COL19A1: variants seen among roughly 807,000 people sequenced by gnomAD.
COL19A1 encodes collagen type XIX alpha 1 chain, also known as collagen alpha-1(XIX) chain.
In COL19A1, 159 loss-of-function variants were observed where a neutral mutation model predicts 190.2. The observed-to-expected ratio is 0.84, with a 90% CI of 0.73 to 0.95. The LOEUF is 0.95. Among genes scored for constraint, COL19A1 ranks in the 40% least tolerant of loss-of-function variants. The pLI is 0.00. For synonymous variants in COL19A1, 509 were observed against 458.9 expected, an observed-to-expected ratio of 1.11 and a Z score of -1.39; for missense variants, 1,418 against 1,431.9, an observed-to-expected ratio of 0.99 and a Z score of 0.16.
chr6:70,204,512 T>C (rs1212649531), intron 49 of COL19A1, among the ~76,000 whole-genome samples: 1 of 152,186 alleles, frequency 6.6e-6, no homozygotes, highest in Non-Finnish European at 1.5e-5. Context: ...ATTGTTACAT[T>C]TGACAGGAGA....
At position 69,991,519 on chromosome 6, in the gene COL19A1, T is replaced by A. The variant is rs187004599; in HGVS notation, c.1026+28649T>A. Among the ~76,000 whole-genome samples, 3 of 152,138 alleles carry A rather than the reference T, an allele frequency of 2.0e-5. No homozygotes were observed. The East Asian group carries it at 5.8e-4, about 29-fold the overall frequency. ...ATTCTTACCAGCAGTGTATAAACAT[T>A]TCCTTTTATCTGCAACCTTGCCAAC... On this transcript the variant is annotated intron_variant, in intron 11 of 50. Transcript: ENST00000620364.
chr6:69,883,346 C>A (rs886734919), intron 2 of COL19A1, among the ~76,000 whole-genome samples: 9 of 152,198 alleles, frequency 5.9e-5, no homozygotes, highest in Admixed American at 3.3e-4. Flanking sequence ...AAATCCTGTC[C>A]TATGAGACCT....
intron 2 of COL19A1, 47 bp from the exon 3 acceptor site, chr6:69,898,901 A>G (rs1285871950): frequency 8.7e-6 from 10 of 1,144,280 alleles, no homozygotes; most frequent in Middle Eastern, 2.0e-4. Context: ...TGTAATTAAA[A>G]TTCATACATA....
rs558482830 is a variant in COL19A1 at position 69,876,442 on chromosome 6, A to G, written c.-32-3094A>G. On this transcript the variant is annotated intron_variant, in intron 1 of 50. Transcript: ENST00000620364. ...TCAACCTCAAGCTTAAGAGACAGGTACAACTAAATTTTTCCAATTATTGTT... is the reference window on the plus strand; with the variant it reads ...TCAACCTCAAGCTTAAGAGACAGGTGCAACTAAATTTTTCCAATTATTGTT... Among the ~76,000 whole-genome samples the G allele has an allele frequency of 5.9e-5, 9 of 152,346 alleles. No individual in the cohort carries two copies. In the East Asian group the frequency reaches 1.7e-3, roughly 29 times the overall value.
intron 20 of COL19A1, 105 bp downstream of exon 20, chr6:70,141,094 A>G (rs1786222451): frequency 1.0e-6 from 1 of 989,920 alleles, no homozygotes; most frequent in African/African-American, 1.7e-5. Context: ...TTGATTAAAT[A>G]AGGTCCATGA....
Position 69,898,999 on chromosome 6 carries a change from A to G in COL19A1, c.143A>G (p.Asn48Ser), listed in dbSNP as rs1213700997. Reference protein sequence around the residue: ...RIEGHQLTYDNINKLEVSGFD... With the variant: ...RIEGHQLTYDSINKLEVSGFD... ...GAGGGACATCAGCTGACATATGACA[A>G]CATAAACAAACTTGAAGTTTCAGGT... The change falls in exon 3 of 51, where the codon AAC becomes AGC. Residue 48 changes from asparagine (N) to serine (S), a missense_variant. Physicochemically the swap from Asn to Ser is conservative, Grantham distance 46. Transcript: ENST00000620364. The G allele has an allele frequency of 6.2e-7, 1 of 1,611,696 alleles. No homozygotes were observed. The highest frequency in any genetic ancestry group is 1.7e-5 in the Admixed American group (1 of 59,968).
intron 14 of COL19A1, among the ~76,000 whole-genome samples, chr6:70,047,965 G>A (rs1779998360): frequency 6.6e-6 from 1 of 152,132 alleles, no homozygotes; most frequent in Non-Finnish European, 1.5e-5. Flanking sequence ...GAAAATGGCT[G>A]TGTTGCTCTG....
intron 9 of COL19A1, among the ~76,000 whole-genome samples, chr6:69,947,268 G>A (rs1028812731): frequency 1.3e-5 from 2 of 151,816 alleles, no homozygotes; most frequent in African/African-American, 2.4e-5. Context: ...ATATATTTCA[G>A]TGTATCAATA....
intron 15 of COL19A1, among the ~76,000 whole-genome samples, chr6:70,089,903 T>G (rs1782799260): frequency 6.6e-6 from 1 of 152,146 alleles, no homozygotes; most frequent in Admixed American, 6.6e-5. Context: ...TCAAAAACAA[T>G]GGGCTGGGTA....
chr6:69,930,524 A>G (rs766030512), intron 6 of COL19A1, among the ~76,000 whole-genome samples: 1 of 152,178 alleles, frequency 6.6e-6, no homozygotes, highest in African/African-American at 2.4e-5. Context: ...ACCCAAGGAT[A>G]GAATTGATCC....
intron 15 of COL19A1, among the ~76,000 whole-genome samples, chr6:70,090,113 G>T (rs1249909772): frequency 6.6e-6 from 1 of 151,922 alleles, no homozygotes. Context: ...CGAGGTTGAG[G>T]CTGCTGTGAG....
chr6:69,916,944 T>C (rs139991912), intron 4 of COL19A1, among the ~76,000 whole-genome samples: 50 of 152,284 alleles, frequency 3.3e-4, no homozygotes, highest in African/African-American at 1.1e-3. Context: ...AGAGTAAAGG[T>C]GAGGTAGTTA....
intron 31 of COL19A1, among the ~76,000 whole-genome samples, chr6:70,153,614 T>C (rs1168650346): frequency 1.3e-5 from 2 of 152,218 alleles, no homozygotes; most frequent in African/African-American, 4.8e-5. Flanking sequence ...AAACAGTCTA[T>C]TGAATAATCT....
intron 16 of COL19A1, among the ~76,000 whole-genome samples, chr6:70,104,951 A>G (rs1302803613): frequency 6.6e-6 from 1 of 152,084 alleles, no homozygotes; most frequent in African/African-American, 2.4e-5. Context: ...AAAACATGTG[A>G]CTGTATGATA....
chr6:69,892,715 ACATT>A (rs1223888717), intron 2 of COL19A1, among the ~76,000 whole-genome samples: 1 of 152,204 alleles, frequency 6.6e-6, no homozygotes, highest in African/African-American at 2.4e-5. Flanking sequence ...TTAGAAAGTG[ACATT>A]CTTTACTGAC....
chr6:69,971,490 G>A (rs17766479), intron 11 of COL19A1, among the ~76,000 whole-genome samples: 13,022 of 152,196 alleles, frequency 0.086, 661 homozygotes, highest in East Asian at 0.2. Context: ...GACAGTAGCT[G>A]GAGAGGGTGT....
intron 4 of COL19A1, among the ~76,000 whole-genome samples, chr6:69,921,706 T>A (rs1433291453): frequency 2.1e-5 from 3 of 143,296 alleles, no homozygotes; most frequent in African/African-American, 8.0e-5. Context: ...TCGTATATAT[T>A]CGTATGTAGA....
At chr6:70,141,999 C>T in intron 21 of COL19A1, 24 bp from the exon 22 acceptor site, 5 of 1,612,352 alleles carry the variant, frequency 3.1e-6, no homozygotes, top group Non-Finnish European at 4.2e-6. Flanking sequence ...AAACATTGAT[C>T]TTTCCTTCCC....
intron 14 of COL19A1, chr6:70,059,842 T>TA (rs1374731305): frequency 1.0e-5 from 5 of 501,450 alleles, no homozygotes; most frequent in Non-Finnish European, 2.0e-5. Flanking sequence ...TAACTCAATT[T>TA]ACAGTTATTT....
Sources: gnomAD v4.1 joint callset for allele counts (sites outside exome capture counted in the v4.1 genomes callset) on GRCh38, gnomAD v4.1.1 for gene constraint, MANE v1.5 for transcripts, NCBI Gene and HGNC (gene_info 2026-07-23, HGNC 2026-07-21) for gene names.